LRFN5: variants seen among roughly 807,000 people sequenced by gnomAD.
LRFN5 encodes leucine rich repeat and fibronectin type III domain containing 5.
A neutral mutation model predicts 45.6 loss-of-function variants in LRFN5; 24 were observed. The observed-to-expected ratio is 0.53, with a 90% CI of 0.38 to 0.74. LRFN5 has a LOEUF of 0.74. Ranked by LOEUF, LRFN5 falls within the 30% of genes least tolerant of loss-of-function variation. LRFN5 has a pLI of 0.00. For synonymous variants in LRFN5, 340 were observed against 313.8 expected, an observed-to-expected ratio of 1.08 and a Z score of -0.88; for missense variants, 776 against 861.5, an observed-to-expected ratio of 0.90 and a Z score of 1.24.
At chr14:41,853,662 C>G (rs539037386) in intron 2 of LRFN5, among the ~76,000 whole-genome samples, 1 of 151,950 alleles carries the variant, frequency 6.6e-6, no homozygotes, top group South Asian at 2.1e-4. Context: ...GGTTCTGGAA[C>G]TCAGAGGGGA....
Position 41,729,261 on chromosome 14 carries a change from C to A in LRFN5, c.-196-37593C>A, listed in dbSNP as rs186464710. ...TAAGTTATTGCCCAGTTTGTTCACA[C>A]AAAAGTTGGTTATTTAAAAGAGTGT... On this transcript the variant is annotated intron_variant, in intron 1 of 5. Transcript: ENST00000298119. Among the ~76,000 whole-genome samples, 1,505 of 152,188 alleles carry A rather than the reference C, an allele frequency of 9.9e-3. 8 individuals are homozygous for A. Among genetic ancestry groups the A allele is most frequent in the East Asian group, 0.015 (79 of 5,174 alleles).
chr14:41,747,476 A>C (rs975624470), intron 1 of LRFN5, among the ~76,000 whole-genome samples: 1 of 152,060 alleles, frequency 6.6e-6, no homozygotes, highest in African/African-American at 2.4e-5. Flanking sequence ...AAAAACATGC[A>C]AAATAATTAA....
intron 2 of LRFN5, among the ~76,000 whole-genome samples, chr14:41,827,126 G>T (rs1451021676): frequency 6.6e-6 from 1 of 152,032 alleles, no homozygotes; most frequent in East Asian, 1.9e-4. Context: ...CTGAAGGATA[G>T]AAATTAATTA....
intron 2 of LRFN5, among the ~76,000 whole-genome samples, chr14:41,885,335 AAAAAG>A (rs1198985933): frequency 6.6e-6 from 1 of 151,494 alleles, no homozygotes; most frequent in Non-Finnish European, 1.5e-5. Flanking sequence ...TAAAAAAAAA[AAAAAG>A]AAAGAAAGAA....
intron 1 of LRFN5, among the ~76,000 whole-genome samples, chr14:41,657,296 C>T (rs967783294): frequency 2.0e-5 from 3 of 151,782 alleles, no homozygotes; most frequent in Non-Finnish European, 4.4e-5. Flanking sequence ...TAATTTTACC[C>T]ACAAGATGGA....
At chr14:41,771,075 G>A (rs1886068792) in intron 2 of LRFN5, among the ~76,000 whole-genome samples, 1 of 151,862 alleles carries the variant, frequency 6.6e-6, no homozygotes, top group Middle Eastern at 3.4e-3. Context: ...GCTGTACTTG[G>A]GCCCCTTTGA....
At chr14:41,671,845 T>C (rs762072478) in intron 1 of LRFN5, among the ~76,000 whole-genome samples, 2 of 152,088 alleles carry the variant, frequency 1.3e-5, no homozygotes, top group Non-Finnish European at 2.9e-5. Context: ...CTTGAACTCC[T>C]GACCTCAGGT....
chr14:41,701,738 G>A (rs956336145), intron 1 of LRFN5, among the ~76,000 whole-genome samples: 6 of 152,202 alleles, frequency 3.9e-5, no homozygotes, highest in African/African-American at 1.2e-4. Context: ...AAGAGGACTC[G>A]TTGTTGAGAA....
intron 2 of LRFN5, among the ~76,000 whole-genome samples, chr14:41,885,915 G>A (rs1890552698): frequency 1.3e-5 from 2 of 149,258 alleles, no homozygotes; most frequent in Admixed American, 1.4e-4. Flanking sequence ...ACTCAGGGAG[G>A]CCAAATGGTC....
chr14:41,669,542 T>G (rs1881066894), intron 1 of LRFN5, among the ~76,000 whole-genome samples: 1 of 152,044 alleles, frequency 6.6e-6, no homozygotes, highest in Non-Finnish European at 1.5e-5. Context: ...GAACTGTTTT[T>G]CTGTCTGTTG....
rs748771195 is a variant in LRFN5, at chr14:41,886,996, A to G, written c.371A>G (p.Asn124Ser). 12 of 1,614,050 alleles carry G rather than the reference A, an allele frequency of 7.4e-6. No individual in the cohort carries two copies. In the African/African-American group the frequency reaches 8.0e-5, roughly 11 times the overall value. Residue 124 changes from asparagine (N) to serine (S), a missense_variant, in exon 3 of 6, where the codon AAT becomes AGT. This residue lies in a region of LRFN5 where 311 missense variants were observed against 405.1 expected (regional missense o/e 0.77). Transcript: ENST00000298119. Reference sequence around the variant, plus strand: ...AATGATATGTTCAGTGGTCTTTCCAATCTTCATCATTTGATACTGAACAAC... The same window carrying G: ...AATGATATGTTCAGTGGTCTTTCCAGTCTTCATCATTTGATACTGAACAAC... Reference protein sequence around the residue: ...ITNDMFSGLSNLHHLILNNNQ... With the variant: ...ITNDMFSGLSSLHHLILNNNQ...
At chr14:41,734,199 A>G (rs1437382100) in intron 1 of LRFN5, among the ~76,000 whole-genome samples, 3 of 142,060 alleles carry the variant, frequency 2.1e-5, no homozygotes, top group Admixed American at 7.1e-5. Context: ...TTTAGTAGAG[A>G]TGGGGTTTCA....
intron 2 of LRFN5, among the ~76,000 whole-genome samples, chr14:41,840,067 A>C (rs1888805651): frequency 6.6e-6 from 1 of 152,132 alleles, no homozygotes; most frequent in African/African-American, 2.4e-5. Context: ...TGTGTGCAAT[A>C]ACTGTGGAAG....
chr14:41,739,385 A>AATCATC (rs60722886), intron 1 of LRFN5, among the ~76,000 whole-genome samples: 7,674 of 148,356 alleles, frequency 0.052, 236 homozygotes, highest in African/African-American at 0.074. Flanking sequence ...ACATTGTGTC[A>AATCATC]ATCATCATCA....
chr14:41,792,597 C>G (rs1886964954), intron 2 of LRFN5, among the ~76,000 whole-genome samples: 1 of 151,936 alleles, frequency 6.6e-6, no homozygotes, highest in African/African-American at 2.4e-5. Flanking sequence ...CAATATCTGT[C>G]CTACTTGCAC....
At position 41,863,031 on chromosome 14, in the gene LRFN5, A is replaced by AT. The variant is rs533916781; in HGVS notation, c.-20-23569dup. Among the ~76,000 whole-genome samples the AT allele has an allele frequency of 1.9e-4, 29 of 151,676 alleles. 1 individual carries two copies. In the East Asian group the frequency reaches 5.5e-3, roughly 29 times the overall value. ...AGGCGCCCGCCATGATGCCCGGCTAATTTTTTGTATTTTTTAGTGAGACGG... is the reference window on the plus strand; with the variant it reads ...AGGCGCCCGCCATGATGCCCGGCTAATTTTTTTGTATTTTTTAGTGAGACGG... On this transcript the variant is annotated intron_variant, in intron 2 of 5. Transcript: ENST00000298119.
chr14:41,729,919 A>G lies in LRFN5; in HGVS notation c.-196-36935A>G, dbSNP rs527347556. Among the ~76,000 whole-genome samples the G allele has an allele frequency of 2.6e-5, 4 of 152,050 alleles. 1 individual carries two copies. Among genetic ancestry groups the G allele is most frequent in the African/African-American group, 9.6e-5 (4 of 41,580 alleles). On this transcript the variant is annotated intron_variant, in intron 1 of 5. Coordinates refer to ENST00000298119, the MANE Select transcript of LRFN5 (RefSeq NM_152447.5). ...AGAAAGCAACACTTTGTTGCCAATT[A>G]GGTGAAGAATAATTTATTTAAAGAG...
At chr14:41,700,535 A>T (rs893490765) in intron 1 of LRFN5, 2 of 152,052 alleles carry the variant, frequency 1.3e-5, no homozygotes, top group Non-Finnish European at 2.9e-5. Flanking sequence ...GGGTTTCACA[A>T]TGTATTATTA....
At chr14:41,857,338 C>A in intron 2 of LRFN5, among the ~76,000 whole-genome samples, 1 of 152,106 alleles carries the variant, frequency 6.6e-6, no homozygotes, top group East Asian at 1.9e-4. Flanking sequence ...TTTAATAATA[C>A]TGTTTCCCTG....
Sources: gnomAD v4.1 joint callset for allele counts (sites outside exome capture counted in the v4.1 genomes callset) on GRCh38, gnomAD v4.1.1 for gene constraint, gnomAD v4.1.1 regional missense constraint, MANE v1.5 for transcripts, NCBI Gene and HGNC (gene_info 2026-07-23, HGNC 2026-07-21) for gene names.